Variants in SCARF1 observed in about 807,000 individuals in gnomAD.
The protein encoded by SCARF1 is acetyl LDL receptor.
Under a neutral mutation model 76.3 loss-of-function variants are expected in SCARF1, and 49 were observed. The observed-to-expected ratio is 0.64, with a 90% CI of 0.51 to 0.81. SCARF1 has a LOEUF of 0.81. SCARF1 is among the 40% of genes least tolerant of loss of function. The probability of loss-of-function intolerance (pLI) is 0.00; values close to 1 mark genes in which losing one functional copy is unlikely to be tolerated. For missense variants in SCARF1, 1,098 were observed against 1,143.9 expected, an observed-to-expected ratio of 0.96 and a Z score of 0.58; for synonymous variants, 495 against 474.6, an observed-to-expected ratio of 1.04 and a Z score of -0.56.
Position 1,640,613 on chromosome 17 carries a change from T to C in SCARF1, c.845A>G (p.Glu282Gly). 6.2e-7 allele frequency: 1 copy of C among 1,612,524 alleles called. No individual in the cohort carries two copies. Among genetic ancestry groups the C allele is most frequent in the Non-Finnish European group, 8.5e-7 (1 of 1,179,804 alleles). ...EPCSPDTGSC[E>G]SCEPGWNGTQ... The stretch of plus-strand genomic sequence containing the variant: ...CCCGTTCCAGCCCGGCTCGCAGGAC[T>C]CACAGCTGCCTGTGTCTGGAGAGCA... The change falls in exon 5 of 11, where the codon GAG (glutamate) becomes GGG (glycine). Residue 282 changes from glutamate (E) to glycine (G), a missense_variant. Glu to Gly is a moderately conservative substitution (Grantham distance 98). Transcript: ENST00000263071. The surrounding 1 kb of genome is among the most constrained non-coding windows in gnomAD (Gnocchi z 4.7).
At chr17:1,636,127 T>G (rs943614776) in intron 10 of SCARF1, among the ~76,000 whole-genome samples, 52 of 152,198 alleles carry the variant, frequency 3.4e-4, no homozygotes, top group African/African-American at 1.2e-3. Flanking sequence ...TCGACTGGGA[T>G]GCCACACACA....
chr17:1,645,522 C>T lies in SCARF1; in HGVS notation c.101+75G>A, dbSNP rs773329959. The T allele has an allele frequency of 9.0e-6, 14 of 1,551,848 alleles. No individual in the cohort carries two copies. Among genetic ancestry groups the T allele is most frequent in the Middle Eastern group, 1.7e-4 (1 of 6,006 alleles). ...CTCCTTCCCCTAACGGCCTCAACAC[C>T]GGTTCAGCCACCCGCATCAGACTCC... On this transcript the variant is annotated intron_variant, in intron 1 of 10. Coordinates refer to ENST00000263071, the MANE Select transcript of SCARF1 (RefSeq NM_003693.4). This position sits in a 1 kb window ranked among gnomAD's most constrained non-coding sequence, Gnocchi z 6.3.
chr17:1,642,453 C>A (rs1051827775), intron 4 of SCARF1, among the ~76,000 whole-genome samples: 1 of 151,178 alleles, frequency 6.6e-6, no homozygotes, highest in Non-Finnish European at 1.5e-5. Context: ...TTTGTTCTCG[C>A]GATAGTTTAC....
At position 1,640,857 on chromosome 17, in the gene SCARF1, C is replaced by T. The variant is rs1227881506; in HGVS notation, c.792-191G>A. ...GACAAATGAGGGCTCTTACAGGATC[C>T]CATCCCTTTCCTTCCAGGCATCTGC... On this transcript the variant is annotated intron_variant, in intron 4 of 10. Transcript: ENST00000263071. The surrounding 1 kb of genome is among the most constrained non-coding windows in gnomAD (Gnocchi z 4.7). Among the ~76,000 whole-genome samples, 2 of 152,166 alleles carry T rather than the reference C, an allele frequency of 1.3e-5. No homozygotes were observed. Among genetic ancestry groups the T allele is most frequent in the African/African-American group, 4.8e-5 (2 of 41,428 alleles).
In SCARF1 at chr17:1,634,370, CAG is replaced by C. The variant is rs2151091494; in HGVS notation, c.*386_*387del. The C allele has an allele frequency of 2.8e-6, 1 of 355,908 alleles. No individual in the cohort carries two copies. Among genetic ancestry groups the C allele is most frequent in the East Asian group, 4.0e-5 (1 of 24,840 alleles). The allele number at this position is 355,908 out of a possible 1,614,324, so 22.0% of individuals were successfully genotyped here. On this transcript the variant is annotated 3_prime_UTR_variant, in exon 11 of 11. Transcript: ENST00000263071. ...CACCACTGCACTCCAGCCTGGGGGACAGAGGGAGATTCTGTCTCAAAAAAAAA... is the reference window on the plus strand; with the variant it reads ...CACCACTGCACTCCAGCCTGGGGGACAGGGAGATTCTGTCTCAAAAAAAAA...
rs893007154 is a variant in SCARF1, at chr17:1,634,604, C to G, written c.*154G>C. The G allele has an allele frequency of 3.6e-5, 39 of 1,088,816 alleles. No individual in the cohort carries two copies. The highest frequency in any genetic ancestry group is 4.9e-5 in the Non-Finnish European group (38 of 778,540). 67.4% of individuals were successfully genotyped at this position (1,088,816 alleles called of 1,614,324 possible). ...GCCTTCCTGGGCCCCTCCGGGAGCA[C>G]TGCCAGGGGCCTGGGCCAACTGGCC... On this transcript the variant is annotated 3_prime_UTR_variant, in exon 11 of 11. Transcript: ENST00000263071.
rs762616585 is a variant in SCARF1, at chr17:1,634,885, C to G, written c.2366G>C (p.Arg789Thr). 49 of 1,613,856 alleles carry G rather than the reference C, an allele frequency of 3.0e-5. No homozygotes were observed. Among genetic ancestry groups the G allele is most frequent in the Non-Finnish European group, 3.7e-5 (44 of 1,180,012 alleles). ...ACAGCCAGAGACTGGCTCCTGGGCT[C>G]TCCTTGAACTCTCGGTGCCAGCCCC... The part of the protein sequence containing the change: ...GLGAGTESSR[R>T]AQEPVSGCGS... Residue 789 changes from arginine to threonine, a missense_variant, in exon 11 of 11, where the codon AGA becomes ACA. Physicochemically the swap from Arg to Thr is moderately conservative, Grantham distance 71. Transcript: ENST00000263071.
chr17:1,636,583 A>G, intron 10 of SCARF1, 126 bp downstream of exon 10: 1 of 1,147,220 alleles, frequency 8.7e-7, no homozygotes, highest in Non-Finnish European at 1.2e-6. Context: ...ACTGCACTCC[A>G]GCCTGGCGAC....
chr17:1,638,963 C>G, intron 7 of SCARF1, 37 bp from the exon 8 acceptor site: 1 of 1,546,452 alleles, frequency 6.5e-7, no homozygotes, highest in Non-Finnish European at 8.8e-7. Flanking sequence ...TCAGGCCTTC[C>G]TGTCTCCTAC....
chr17:1,636,283 T>C (rs1198637489), intron 10 of SCARF1, among the ~76,000 whole-genome samples: 2 of 152,228 alleles, frequency 1.3e-5, no homozygotes, highest in Non-Finnish European at 2.9e-5. Flanking sequence ...GAATCTGTCT[T>C]GTTATCTCTT....
Position 1,643,731 on chromosome 17 carries a change from C to A in SCARF1, c.502G>T (p.Ala168Ser), listed in dbSNP as rs903205480. The change falls in exon 4 of 11, where the codon GCG (alanine) becomes TCG (serine). Residue 168 changes from alanine (A) to serine (S), a missense_variant. Coordinates refer to ENST00000263071, the MANE Select transcript of SCARF1 (RefSeq NM_003693.4). ...TCRRPCQCNT[A>S]AARCEQATGA... ...GTGGCCTGCTCGCAGCGCGCCGCCG[C>A]GGTGTTGCACTGGCACGGGCGGCGG... The A allele has an allele frequency of 8.3e-6, 11 of 1,317,392 alleles. No individual in the cohort carries two copies. In the Middle Eastern group the frequency reaches 8.6e-4, roughly 103 times the overall value. The allele number at this position is 1,317,392 out of a possible 1,614,324, so 81.6% of individuals were successfully genotyped here.
In SCARF1 at chr17:1,645,460, G is replaced by A; in HGVS notation, c.101+137C>T. 6.6e-7 allele frequency: 1 copy of A among 1,521,520 alleles called. No homozygotes were observed. 94.3% of individuals were successfully genotyped at this position (1,521,520 alleles called of 1,614,324 possible). On this transcript the variant is annotated intron_variant, in intron 1 of 10. Transcript: ENST00000263071. This position sits in a 1 kb window ranked among gnomAD's most constrained non-coding sequence, Gnocchi z 6.3. ...ACTACCTGCCAGACCGCCATCAGCA[G>A]TCCCTTCCTTTCAGCCTAAGCCCCC...
In SCARF1 at chr17:1,645,013, G is replaced by A; in HGVS notation, c.164-78C>T. 2 of 1,547,876 alleles carry A rather than the reference G, an allele frequency of 1.3e-6. No individual in the cohort carries two copies. Among genetic ancestry groups the A allele is most frequent in the South Asian group, 1.1e-5 (1 of 87,232 alleles). ...CCCTGCCCTCTCACTGGCTCCAGGGGCCATGCCTCCTCAAGAGGTGCCCCT... is the reference window on the plus strand; with the variant it reads ...CCCTGCCCTCTCACTGGCTCCAGGGACCATGCCTCCTCAAGAGGTGCCCCT... On this transcript the variant is annotated intron_variant, in intron 2 of 10. Transcript: ENST00000263071. The surrounding 1 kb of genome is among the most constrained non-coding windows in gnomAD (Gnocchi z 6.3).
In SCARF1 at chr17:1,638,926, C is replaced by T; in HGVS notation, c.1244G>A (p.Gly415Asp). The change falls in exon 8 of 11, where the codon GGC becomes GAC. Residue 415 changes from glycine to aspartate, a missense_variant and splice_region_variant. Gly to Asp is a moderately conservative substitution (Grantham distance 94). Transcript: ENST00000263071. ...GAGGGCAGTGTCCCGACTGCCAGAG[C>T]CTGGGGGAGCCAGAAACGGGGGATA... is the stretch of plus-strand genomic sequence containing the variant. The part of the protein sequence containing the change: ...CHPVSGSCQP[G>D]SGSRDTALIA... The T allele has an allele frequency of 6.3e-7, 1 of 1,584,102 alleles. No homozygotes were observed. Among genetic ancestry groups the T allele is most frequent in the Non-Finnish European group, 8.6e-7 (1 of 1,161,582 alleles).
In SCARF1 at chr17:1,634,840, G is replaced by T. The variant is rs1328151937; in HGVS notation, c.2411C>A (p.Pro804His). The change falls in exon 11 of 11, where the codon CCC (proline) becomes CAC (histidine). Residue 804 changes from proline to histidine, a missense_variant. By Grantham distance (77) the Pro-to-His change is moderately conservative. Transcript: ENST00000263071. ...CCTTTCCTCTTCAGCCTGCTTCTGG[G>T]GATCCTGTTCTGGGGAGCCACAGCC... ...VSGCGSPEQDPQKQAEEERQE... is the reference protein window; with the variant it reads ...VSGCGSPEQDHQKQAEEERQE... 2 of 1,613,914 alleles carry T rather than the reference G, an allele frequency of 1.2e-6. No homozygotes were observed. Among genetic ancestry groups the T allele is most frequent in the South Asian group, 1.1e-5 (1 of 91,084 alleles).
At chr17:1,637,114 T>A (rs1909642918) in intron 8 of SCARF1, 52 bp from the exon 9 acceptor site, 1 of 1,591,594 alleles carries the variant, frequency 6.3e-7, no homozygotes, top group African/African-American at 1.3e-5. Context: ...CACGGTGACC[T>A]GGGTCACCTT....
At chr17:1,643,077 C>T (rs1910181046) in intron 4 of SCARF1, among the ~76,000 whole-genome samples, 1 of 151,994 alleles carries the variant, frequency 6.6e-6, no homozygotes, top group African/African-American at 2.4e-5. Context: ...CCCCTCCTCC[C>T]GGCGCCCCGC....
rs1308377706 is a variant in SCARF1 at position 1,634,473 on chromosome 17, G to A, written c.*285C>T. The A allele has an allele frequency of 2.0e-5, 8 of 399,070 alleles. No homozygotes were observed. Among genetic ancestry groups the A allele is most frequent in the Admixed American group, 4.4e-5 (1 of 22,752 alleles). 24.7% of individuals were successfully genotyped at this position (399,070 alleles called of 1,614,324 possible). A position where few individuals can be genotyped will look rare whatever the true frequency, so the allele number is the denominator to read the frequency against. ...GCTATTTCAGAAAAATGTTTTGCAC[G>A]TGAAAGAAAGAATAGCCCTTATGAG... is the stretch of plus-strand genomic sequence containing the variant. On this transcript the variant is annotated 3_prime_UTR_variant, in exon 11 of 11. Coordinates refer to ENST00000263071, the MANE Select transcript of SCARF1 (RefSeq NM_003693.4).
chr17:1,634,786 A>G lies in SCARF1; in HGVS notation c.2465T>C (p.Val822Ala). The G allele has an allele frequency of 6.2e-7, 1 of 1,607,316 alleles. No individual in the cohort carries two copies. Among genetic ancestry groups the G allele is most frequent in the African/African-American group, 1.3e-5 (1 of 74,650 alleles). Residue 822 changes from valine to alanine, a missense_variant, in exon 11 of 11, where the codon GTA becomes GCA. Physicochemically the swap from Val to Ala is moderately conservative, Grantham distance 64. Transcript: ENST00000263071. ...GGGTTCTGGTGGCCTGGAGATGGGT[A>G]CAACATTCTCATACTCAGGTTCCTC... ...RQEEPEYENV[V>A]PISRPPEP
Sources: allele counts gnomAD v4.1 joint callset (sites outside exome capture counted in the v4.1 genomes callset), GRCh38; gene constraint gnomAD v4.1.1; non-coding constraint Gnocchi (gnomAD v3.1); transcripts MANE v1.5; gene names NCBI Gene and HGNC (gene_info 2026-07-23, HGNC 2026-07-21).